Variants in TBC1D5 observed in about 807,000 individuals in gnomAD.
The protein encoded by TBC1D5 is TBC1 domain family, member 5.
Under a neutral mutation model 100.3 loss-of-function variants are expected in TBC1D5, and 75 were observed. The ratio of observed to expected loss-of-function variants is 0.75; its 90% confidence interval spans 0.62 to 0.91. TBC1D5 has a LOEUF of 0.91. Among genes scored for constraint, TBC1D5 ranks in the 40% least tolerant of loss-of-function variants. The probability of loss-of-function intolerance (pLI) is 0.00; values close to 1 mark genes in which losing one functional copy is unlikely to be tolerated. For synonymous variants in TBC1D5, 323 were observed against 325.6 expected (o/e 0.99, Z 0.09); for missense variants, 910 against 942.4 (o/e 0.97, Z 0.45).
intron 1 of TBC1D5, among the ~76,000 whole-genome samples, chr3:17,712,234 T>C (rs2074808579): frequency 6.6e-6 from 1 of 152,114 alleles, no homozygotes; most frequent in Non-Finnish European, 1.5e-5. Context: ...CACACAAAGT[T>C]GCTTAGCCCA....
chr3:17,559,315 A>G (rs548710043), intron 2 of TBC1D5, among the ~76,000 whole-genome samples: 15 of 150,974 alleles, frequency 9.9e-5, no homozygotes, highest in African/African-American at 2.9e-4. Flanking sequence ...AATTTTTTGC[A>G]TTTTTGGTAG....
intron 2 of TBC1D5, among the ~76,000 whole-genome samples, chr3:17,620,696 G>C (rs2062589462): frequency 1.1e-4 from 16 of 152,246 alleles, no homozygotes; most frequent in Admixed American, 1.0e-3. Flanking sequence ...GGAGGAAGGA[G>C]TGACAATTTT....
intron 9 of TBC1D5, among the ~76,000 whole-genome samples, chr3:17,383,106 G>A (rs2093015672): frequency 6.6e-6 from 1 of 151,830 alleles, no homozygotes; most frequent in Non-Finnish European, 1.5e-5. Flanking sequence ...AGTCTGAAAT[G>A]TTTTACTATC....
chr3:17,636,640 T>TA (rs77958128), intron 1 of TBC1D5, among the ~76,000 whole-genome samples: 27 of 143,036 alleles, frequency 1.9e-4, no homozygotes, highest in South Asian at 4.5e-4. Flanking sequence ...AAATAAAAAA[T>TA]AAAAAAAAAA....
At chr3:17,426,228 A>C (rs1325973231) in intron 4 of TBC1D5, among the ~76,000 whole-genome samples, 3 of 152,228 alleles carry the variant, frequency 2.0e-5, no homozygotes, top group African/African-American at 7.2e-5. Flanking sequence ...TCAAAAGTAA[A>C]TTTTACTGAA....
At chr3:17,378,373 C>T (rs1470674230) in intron 9 of TBC1D5, among the ~76,000 whole-genome samples, 1 of 151,848 alleles carries the variant, frequency 6.6e-6, no homozygotes, top group African/African-American at 2.4e-5. Context: ...ATCACTCTCT[C>T]ACACATCCTC....
chr3:17,667,128 A>T (rs2067351564), intron 1 of TBC1D5, among the ~76,000 whole-genome samples: 1 of 152,216 alleles, frequency 6.6e-6, no homozygotes, highest in South Asian at 2.1e-4. Context: ...AAAGCTTTGT[A>T]AATGAGATGC....
At chr3:17,484,558 G>T (rs2095538259) in intron 3 of TBC1D5, among the ~76,000 whole-genome samples, 2 of 146,096 alleles carry the variant, frequency 1.4e-5, no homozygotes, top group South Asian at 4.2e-4. Context: ...TAACACCAGG[G>T]TGTGTGTGTG....
At chr3:17,649,160 G>C (rs1407081927) in intron 1 of TBC1D5, among the ~76,000 whole-genome samples, 1 of 152,148 alleles carries the variant, frequency 6.6e-6, no homozygotes, top group Middle Eastern at 3.2e-3. Context: ...AAAAAAGAAT[G>C]AGATCATGTC....
intron 17 of TBC1D5, among the ~76,000 whole-genome samples, chr3:17,237,533 A>G (rs981637445): frequency 6.6e-6 from 1 of 152,214 alleles, no homozygotes; most frequent in East Asian, 1.9e-4. Context: ...TGTGCTACCA[A>G]CAGCAGTGCC....
At chr3:17,452,711 T>C (rs1186090089) in intron 3 of TBC1D5, among the ~76,000 whole-genome samples, 1 of 151,918 alleles carries the variant, frequency 6.6e-6, no homozygotes, top group African/African-American at 2.4e-5. Context: ...AACACAATAA[T>C]AGCTAGAGAA....
intron 14 of TBC1D5, among the ~76,000 whole-genome samples, chr3:17,292,598 A>G (rs1031306685): frequency 6.6e-6 from 1 of 152,206 alleles, no homozygotes; most frequent in Non-Finnish European, 1.5e-5. Context: ...GTTAAGTCTA[A>G]ATGTGTTCTG....
intron 2 of TBC1D5, among the ~76,000 whole-genome samples, chr3:17,563,576 T>C (rs560152488): frequency 6.6e-6 from 1 of 152,214 alleles, no homozygotes; most frequent in African/African-American, 2.4e-5. Context: ...TATAAGGTTA[T>C]AGATTCACAA....
intron 4 of TBC1D5, among the ~76,000 whole-genome samples, chr3:17,411,832 T>C (rs2149108966): frequency 6.6e-6 from 1 of 152,272 alleles, no homozygotes; most frequent in African/African-American, 2.4e-5. Flanking sequence ...ATTGGAAACA[T>C]TATCTCTGAA....
At chr3:17,561,208 T>C (rs2096556841) in intron 2 of TBC1D5, among the ~76,000 whole-genome samples, 1 of 152,172 alleles carries the variant, frequency 6.6e-6, no homozygotes, top group South Asian at 2.1e-4. Flanking sequence ...TTGAATGGTT[T>C]CCTGTATCTG....
chr3:17,608,770 C>A (rs983390370), intron 2 of TBC1D5, among the ~76,000 whole-genome samples: 1 of 152,066 alleles, frequency 6.6e-6, no homozygotes, highest in Non-Finnish European at 1.5e-5. Context: ...TTGGCCAGAT[C>A]ATGGGGGGTT....
chr3:17,221,176 C>T (rs1263975817), intron 17 of TBC1D5, among the ~76,000 whole-genome samples: 1 of 145,732 alleles, frequency 6.9e-6, no homozygotes, highest in Non-Finnish European at 1.5e-5. Context: ...TGTTACCTTA[C>T]ATAGCAGAAG....
At chr3:17,272,743 T>C (rs1195731610) in intron 15 of TBC1D5, among the ~76,000 whole-genome samples, 1 of 152,212 alleles carries the variant, frequency 6.6e-6, no homozygotes, top group Non-Finnish European at 1.5e-5. Context: ...AAGAACATTG[T>C]TAATTCTCAG....
chr3:17,190,154 C>T (rs1306980047), intron 18 of TBC1D5, among the ~76,000 whole-genome samples: 4 of 152,082 alleles, frequency 2.6e-5, no homozygotes, highest in Admixed American at 1.3e-4. Flanking sequence ...ATTATTCATT[C>T]ATATATTAAT....
Sources: gnomAD v4.1 joint callset for allele counts (sites outside exome capture counted in the v4.1 genomes callset) on GRCh38, gnomAD v4.1.1 for gene constraint, MANE v1.5 for transcripts, NCBI Gene and HGNC (gene_info 2026-07-23, HGNC 2026-07-21) for gene names.